SHTN1: variants seen among roughly 807,000 people sequenced by gnomAD.
SHTN1 encodes shootin-1.
In SHTN1, 42 loss-of-function variants were observed where a neutral mutation model predicts 83.1. The observed-to-expected ratio is 0.51, with a 90% CI of 0.39 to 0.65. The LOEUF (loss-of-function observed/expected upper bound fraction) is 0.65, where lower values mean the gene tolerates loss of function less well. Among genes scored for constraint, SHTN1 ranks in the 30% least tolerant of loss-of-function variants. The pLI, the probability that SHTN1 is intolerant of heterozygous loss-of-function variation, is 0.00. For synonymous variants in SHTN1, 224 were observed against 247.7 expected (o/e 0.90, Z 0.90); for missense variants, 622 against 737.8 (o/e 0.84, Z 1.82).
In SHTN1 at chr10:116,928,001, A is replaced by C. The variant is rs1848809203; in HGVS notation, c.1013-110T>G. 4.0e-6 allele frequency: 5 copies of C among 1,236,668 alleles called. No individual in the cohort carries two copies. The Admixed American group carries it at 1.1e-4, about 28-fold the overall frequency. The allele number at this position is 1,236,668 out of a possible 1,614,324, so 76.6% of individuals were successfully genotyped here. A position where few individuals can be genotyped will look rare whatever the true frequency, so the allele number is the denominator to read the frequency against. On this transcript the variant is annotated intron_variant, in intron 10 of 16. Transcript: ENST00000355371. ...TCTCAAAAGTAAGTTCTTTTTATTA[A>C]GGCAAAATTAGAAATTTCAATATGA...
chr10:116,948,564 C>A (rs1849667753), intron 7 of SHTN1, among the ~76,000 whole-genome samples: 2 of 152,122 alleles, frequency 1.3e-5, no homozygotes, highest in African/African-American at 4.8e-5. Context: ...GACAGCCTAA[C>A]CTCTTCTGGA....
chr10:116,927,383 A>G (rs929986197), intron 11 of SHTN1, among the ~76,000 whole-genome samples: 4 of 152,312 alleles, frequency 2.6e-5, no homozygotes, highest in Non-Finnish European at 4.4e-5. Flanking sequence ...TAAAGGAAAG[A>G]GGTTTAATTG....
intron 9 of SHTN1, among the ~76,000 whole-genome samples, chr10:116,931,529 G>A (rs534870581): frequency 6.6e-6 from 1 of 152,146 alleles, no homozygotes. Context: ...GATTACAGGC[G>A]TGAGCCACCA....
chr10:117,028,362 G>A (rs538104758), intron 2 of SHTN1, among the ~76,000 whole-genome samples: 1 of 152,302 alleles, frequency 6.6e-6, no homozygotes, highest in Non-Finnish European at 1.5e-5. Flanking sequence ...CCATGTAGTA[G>A]TAAATAAAGG....
At chr10:116,980,288 T>A (rs1042667308) in intron 1 of SHTN1, among the ~76,000 whole-genome samples, 2 of 152,122 alleles carry the variant, frequency 1.3e-5, no homozygotes. Context: ...CAGTGAATCA[T>A]CAGGTTGATT....
In SHTN1 at chr10:116,899,506, G is replaced by GGTGTGTGTGTGTGT. The variant is rs370396879; in HGVS notation, c.1673+2245_1673+2258dup. Among the ~76,000 whole-genome samples, 342 of 124,550 alleles carry GGTGTGTGTGTGTGT rather than the reference G, an allele frequency of 2.7e-3. 4 individuals are homozygous for GGTGTGTGTGTGTGT. Among genetic ancestry groups the GGTGTGTGTGTGTGT allele is most frequent in the African/African-American group, 9.3e-3 (317 of 34,156 alleles). 81.7% of individuals were successfully genotyped at this position (124,550 alleles called of 152,430 possible). ...AAGGGAAGTTAGAGTGGCTGGGGCTGGTGTGTGTGTGTGTGTGTGTGTGTG... is the reference window on the plus strand; with the variant it reads ...AAGGGAAGTTAGAGTGGCTGGGGCTGGTGTGTGTGTGTGTGTGTGTGTGTGTGTGTGTGTGTGTG... On this transcript the variant is annotated intron_variant, in intron 16 of 16. Coordinates refer to ENST00000355371, the MANE Select transcript of SHTN1 (RefSeq NM_001127211.3).
chr10:116,974,621 C>G (rs933744664), intron 2 of SHTN1, among the ~76,000 whole-genome samples: 1 of 152,170 alleles, frequency 6.6e-6, no homozygotes, highest in Non-Finnish European at 1.5e-5. Context: ...CTCACCCAAA[C>G]GACTTCTAAT....
intron 2 of SHTN1, among the ~76,000 whole-genome samples, chr10:117,030,694 C>G (rs1004499459): frequency 2.6e-5 from 4 of 151,820 alleles, no homozygotes; most frequent in African/African-American, 9.7e-5. Context: ...AAATCCTAGA[C>G]TGAAAAATAC....
At chr10:116,916,457 G>A (rs1848386612) in intron 12 of SHTN1, among the ~76,000 whole-genome samples, 2 of 152,090 alleles carry the variant, frequency 1.3e-5, no homozygotes, top group African/African-American at 4.8e-5. Context: ...ACACTGCCTG[G>A]CAATATGGTG....
At chr10:116,938,689 G>A (rs1849256418) in intron 9 of SHTN1, among the ~76,000 whole-genome samples, 1 of 152,244 alleles carries the variant, frequency 6.6e-6, no homozygotes, top group African/African-American at 2.4e-5. Flanking sequence ...CAGAGCTCAA[G>A]CGCTGCGCTG....
intron 1 of SHTN1, among the ~76,000 whole-genome samples, chr10:117,052,021 T>TATATATATATATATATATATATAGAA (rs1491406210): frequency 5.1e-5 from 7 of 136,550 alleles, no homozygotes; most frequent in African/African-American, 1.9e-4. Context: ...TATATATATA[T>TATATATATATATATATATATATAGAA]AGAAAAGCCT....
intron 1 of SHTN1, among the ~76,000 whole-genome samples, chr10:117,002,238 C>T (rs930968614): frequency 2.6e-5 from 4 of 152,154 alleles, no homozygotes; most frequent in African/African-American, 9.7e-5. Context: ...AGTAATTGTA[C>T]ATTTATTCAT....
chr10:117,094,013 T>C (rs1212050814), intron 1 of SHTN1, among the ~76,000 whole-genome samples: 1 of 152,178 alleles, frequency 6.6e-6, no homozygotes, highest in Admixed American at 6.5e-5. Flanking sequence ...TTGATATATT[T>C]TAACTCAATG....
chr10:116,892,942 G>T (rs1589778924), intron 16 of SHTN1, among the ~76,000 whole-genome samples: 1 of 152,254 alleles, frequency 6.6e-6, no homozygotes, highest in East Asian at 1.9e-4. Context: ...TGCAGAAATG[G>T]TATATTTTAT....
At chr10:116,974,113 T>A in intron 2 of SHTN1, 1 of 1,078,742 alleles carries the variant, frequency 9.3e-7, no homozygotes, top group Admixed American at 4.2e-5. Context: ...AAAAAAGAAG[T>A]GGTAGCTGCC....
chr10:117,065,733 AAAGAAAGAAAGAAAGAAAG>A (rs1344358810), intron 1 of SHTN1, among the ~76,000 whole-genome samples: 277 of 17,202 alleles, frequency 0.016, 41 homozygotes, highest in African/African-American at 0.022. Context: ...GAGATGAAAG[AAAGAAAGAAAGAAAGAAAG>A]AAAGAAAGAA....
chr10:117,113,676 C>T (rs1853800365), intron 1 of SHTN1, among the ~76,000 whole-genome samples: 1 of 152,168 alleles, frequency 6.6e-6, no homozygotes, highest in African/African-American at 2.4e-5. Context: ...AAGCGGAAGC[C>T]AGAAGACTGC....
At chr10:117,012,276 AAAAAC>A (rs748960126) in intron 2 of SHTN1, among the ~76,000 whole-genome samples, 5 of 152,288 alleles carry the variant, frequency 3.3e-5, no homozygotes, top group South Asian at 2.1e-4. Flanking sequence ...TGGAAAGGCA[AAAAAC>A]AAAACAAAAC....
At chr10:116,892,073 T>C (rs947269275) in intron 16 of SHTN1, among the ~76,000 whole-genome samples, 1 of 152,198 alleles carries the variant, frequency 6.6e-6, no homozygotes, top group Non-Finnish European at 1.5e-5. Context: ...CTTTTTAACA[T>C]AGGTAACAAT....
Sources: gnomAD v4.1 joint callset for allele counts (sites outside exome capture counted in the v4.1 genomes callset) on GRCh38, gnomAD v4.1.1 for gene constraint, MANE v1.5 for transcripts, NCBI Gene and HGNC (gene_info 2026-07-23, HGNC 2026-07-21) for gene names.